Variants in RASD2 observed in about 807,000 individuals in gnomAD.
RASD2 encodes RASD family member 2.
RASD2 carries 7 observed loss-of-function variants against 15.8 expected under a neutral mutation model. That is an observed-to-expected ratio of 0.44 (90% CI 0.25 to 0.83). The LOEUF (loss-of-function observed/expected upper bound fraction) is 0.83, where lower values mean the gene tolerates loss of function less well. Ranked by LOEUF, RASD2 falls within the 40% of genes least tolerant of loss-of-function variation. The pLI, the probability that RASD2 is intolerant of heterozygous loss-of-function variation, is 0.20. For synonymous variants in RASD2, 155 were observed against 153.6 expected (o/e 1.01, Z -0.07); for missense variants, 274 against 382.8 (o/e 0.72, Z 2.37).
At chr22:35,546,231 G>A (rs937053262) in intron 1 of RASD2, among the ~76,000 whole-genome samples, 3 of 152,274 alleles carry the variant, frequency 2.0e-5, no homozygotes, top group Admixed American at 1.3e-4. Context: ...AGCATGCGGT[G>A]TGGACATAGC....
rs755742181 is a variant in RASD2, at chr22:35,547,060, G to T, written c.251G>T (p.Arg84Leu). 4 of 1,613,324 alleles carry T rather than the reference G, an allele frequency of 2.5e-6. No individual in the cohort carries two copies. The highest frequency in any genetic ancestry group is 3.4e-6 in the Non-Finnish European group (4 of 1,179,648). The change falls in exon 2 of 3, where the codon CGC becomes CTC. Residue 84 changes from arginine (R) to leucine (L), a missense_variant. Arg to Leu is a moderately radical substitution (Grantham distance 102). Transcript: ENST00000216127. ...GGCAACCACCCCTTCCCCGCCATGC[G>T]CAGGCTGTCCATCCTCACAGGTGAG... ...TSGNHPFPAM[R>L]RLSILTGDVF...
Position 35,552,350 on chromosome 22 carries a change from T to C in RASD2, c.*318T>C, listed in dbSNP as rs1934693707. On this transcript the variant is annotated 3_prime_UTR_variant, in exon 3 of 3. Transcript: ENST00000216127. ...GGAAGAAATGTTGATGCCAGAGGGG[T>C]GAGGATTGCTGCGTCATATGGAGCC... 4 of 386,602 alleles carry C rather than the reference T, an allele frequency of 1.0e-5. No individual in the cohort carries two copies. The Admixed American group carries it at 1.7e-4, about 16-fold the overall frequency. 23.9% of individuals were successfully genotyped at this position (386,602 alleles called of 1,614,324 possible). A position where few individuals can be genotyped will look rare whatever the true frequency, so the allele number is the denominator to read the frequency against.
At chr22:35,538,780 G>A (rs1253699614), upstream of RASD2, among the ~76,000 whole-genome samples, 2 of 152,322 alleles carry the variant, frequency 1.3e-5, no homozygotes, top group Non-Finnish European at 2.9e-5. Context: ...CTGGCCCAGC[G>A]ACCTGAGTCT....
In RASD2 at chr22:35,551,941, G is replaced by A; in HGVS notation, c.710G>A (p.Arg237His). Residue 237 changes from arginine to histidine, a missense_variant, in exon 3 of 3, where the codon CGC becomes CAC. Transcript: ENST00000216127. This position sits in a 1 kb window ranked among gnomAD's most constrained non-coding sequence, Gnocchi z 4.9. ...GGCATGGTCTCGCCCTTCGCCCGCC[G>A]CCCCAGCGTCAACAGTGACCTCAAG... ...AYGMVSPFARRPSVNSDLKYI... is the reference protein window; with the variant it reads ...AYGMVSPFARHPSVNSDLKYI... The A allele has an allele frequency of 6.2e-7, 1 of 1,607,282 alleles. No homozygotes were observed. Among genetic ancestry groups the A allele is most frequent in the Non-Finnish European group, 8.5e-7 (1 of 1,179,992 alleles).
Position 35,551,606 on chromosome 22 carries a change from C to T in RASD2, c.375C>T (p.Asn125=). The part of the protein sequence containing the change: ...QILEVKSCLK[N]KTKEAAELPM... ...TGGAGGTCAAGTCCTGCCTGAAGAA[C>T]AAGACCAAGGAGGCGGCGGAGCTGC... Residue 125 remains asparagine (N), a synonymous_variant, in exon 3 of 3, where the codon AAC becomes AAT. Coordinates refer to ENST00000216127, the MANE Select transcript of RASD2 (RefSeq NM_014310.4). This position sits in a 1 kb window ranked among gnomAD's most constrained non-coding sequence, Gnocchi z 4.9. 1 of 1,614,196 alleles carries T rather than the reference C, an allele frequency of 6.2e-7. No homozygotes were observed. The highest frequency in any genetic ancestry group is 8.5e-7 in the Non-Finnish European group (1 of 1,180,030).
Position 35,552,190 on chromosome 22 carries a change from T to C in RASD2, c.*158T>C. The C allele has an allele frequency of 1.1e-6, 1 of 932,094 alleles. No individual in the cohort carries two copies. 57.7% of individuals were successfully genotyped at this position (932,094 alleles called of 1,614,324 possible). A position where few individuals can be genotyped will look rare whatever the true frequency, so the allele number is the denominator to read the frequency against. ...CCGGGCGCTGGCCTCCGCACATTCG[T>C]CTGCCTTCTCACAGCTTTCCTGAGT... is the stretch of plus-strand genomic sequence containing the variant. On this transcript the variant is annotated 3_prime_UTR_variant, in exon 3 of 3. Coordinates refer to ENST00000216127, the MANE Select transcript of RASD2 (RefSeq NM_014310.4).
intron 1 of RASD2, among the ~76,000 whole-genome samples, chr22:35,544,460 T>G (rs901800009): frequency 5.9e-5 from 9 of 152,230 alleles, no homozygotes; most frequent in African/African-American, 2.2e-4. Context: ...CCTGGGCCAG[T>G]CAGGTGGTTG....
chr22:35,537,815 T>C (rs9607273), upstream of RASD2, among the ~76,000 whole-genome samples: 116,411 of 152,148 alleles, frequency 0.77, 46,184 homozygotes, highest in African/African-American at 0.9. Context: ...GAGGGATAGC[T>C]TCTCTTCTTT....
At chr22:35,547,183 G>A in intron 2 of RASD2, 103 bp downstream of exon 2, 3 of 1,341,894 alleles carry the variant, frequency 2.2e-6, no homozygotes. Flanking sequence ...GCCATCGTCT[G>A]AGACAGGCGT....
upstream of RASD2, among the ~76,000 whole-genome samples, chr22:35,537,831 C>T (rs993761110): frequency 1.3e-5 from 2 of 152,162 alleles, no homozygotes; most frequent in Non-Finnish European, 2.9e-5. Context: ...TCTTTAGAGA[C>T]CCGGAAGTGA....
At chr22:35,550,141 T>A (rs1341638252) in intron 2 of RASD2, among the ~76,000 whole-genome samples, 2 of 152,084 alleles carry the variant, frequency 1.3e-5, no homozygotes, top group African/African-American at 4.8e-5. Flanking sequence ...TGGGCACCTG[T>A]AATCCCAGTT....
chr22:35,535,762 A>G, the RASD2 span, among the ~76,000 whole-genome samples: 2 of 152,200 alleles, frequency 1.3e-5, no homozygotes, highest in East Asian at 3.9e-4. Flanking sequence ...GCTGGAGCAT[A>G]AAGGAGGGGA....
chr22:35,539,344 C>G (rs1441188002), upstream of RASD2, among the ~76,000 whole-genome samples: 1 of 152,162 alleles, frequency 6.6e-6, no homozygotes, highest in East Asian at 1.9e-4. Flanking sequence ...CCTCAGGTGC[C>G]CTCCCAGACC....
intron 1 of RASD2, among the ~76,000 whole-genome samples, chr22:35,542,296 C>T (rs894450429): frequency 3.3e-5 from 5 of 152,226 alleles, no homozygotes; most frequent in Admixed American, 6.5e-5. Flanking sequence ...GGCAGCCCCA[C>T]GACTGCCAAG....
At chr22:35,539,360 G>A (rs1311019403), upstream of RASD2, among the ~76,000 whole-genome samples, 3 of 152,170 alleles carry the variant, frequency 2.0e-5, no homozygotes, top group Non-Finnish European at 4.4e-5. Flanking sequence ...AGACCCCTGC[G>A]TCCTCTCATG....
chr22:35,546,163 G>A lies in RASD2; in HGVS notation c.-9-638G>A, dbSNP rs954874115. ...GGAGCCCGCCAGATGCAGAGCACAG[G>A]TCTAAAGGTGGGTCCTCCTGAGGTG... is the stretch of plus-strand genomic sequence containing the variant. On this transcript the variant is annotated intron_variant, in intron 1 of 2. Coordinates refer to ENST00000216127, the MANE Select transcript of RASD2 (RefSeq NM_014310.4). Among the ~76,000 whole-genome samples the A allele has an allele frequency of 7.9e-5, 12 of 152,286 alleles. No homozygotes were observed. In the East Asian group the frequency reaches 1.9e-3, roughly 25 times the overall value.
At chr22:35,543,904 A>T (rs28487287) in intron 1 of RASD2, among the ~76,000 whole-genome samples, 1 of 119,814 alleles carries the variant, frequency 8.3e-6, no homozygotes, top group African/African-American at 3.2e-5. Flanking sequence ...TCTCTGTCTC[A>T]CTGCCTCCTC....
chr22:35,549,030 G>C (rs539570091), intron 2 of RASD2, among the ~76,000 whole-genome samples: 2 of 152,350 alleles, frequency 1.3e-5, no homozygotes, highest in South Asian at 4.1e-4. Context: ...GAGATGTAGA[G>C]AGGAAGCACA....
chr22:35,539,407 G>C (rs1376283337), upstream of RASD2, among the ~76,000 whole-genome samples: 1 of 152,328 alleles, frequency 6.6e-6, no homozygotes, highest in East Asian at 1.9e-4. Flanking sequence ...GGGTGAGGCT[G>C]GCAGACATCC....
Sources: allele counts gnomAD v4.1 joint callset (sites outside exome capture counted in the v4.1 genomes callset), GRCh38; gene constraint gnomAD v4.1.1; non-coding constraint Gnocchi (gnomAD v3.1); transcripts MANE v1.5; gene names NCBI Gene and HGNC (gene_info 2026-07-23, HGNC 2026-07-21).